Variants in ANO10 observed in about 807,000 individuals in gnomAD.
ANO10 encodes the protein anoctamin-10.
ANO10 carries 77 observed loss-of-function variants against 74.7 expected under a neutral mutation model. The ratio of observed to expected loss-of-function variants is 1.03; its 90% CI spans 0.86 to 1.25. ANO10 has a LOEUF of 1.25. Among genes scored for constraint, ANO10 ranks in the 50% most tolerant of loss-of-function variants. The probability of loss-of-function intolerance (pLI) is 0.00; values close to 1 mark genes in which losing one functional copy is unlikely to be tolerated. For missense variants in ANO10, 721 were observed against 778.1 expected (o/e 0.93, Z 0.87); for synonymous variants, 279 against 284.9 (o/e 0.98, Z 0.21).
chr3:43,661,532 C>G (rs1168390483), intron 1 of ANO10, among the ~76,000 whole-genome samples: 1 of 152,178 alleles, frequency 6.6e-6, no homozygotes, highest in African/African-American at 2.4e-5. Flanking sequence ...ATCATAATGA[C>G]AGGATCAATT....
chr3:43,430,837 A>G (rs1406630714), intron 12 of ANO10, among the ~76,000 whole-genome samples: 1 of 152,078 alleles, frequency 6.6e-6, no homozygotes, highest in East Asian at 1.9e-4. Context: ...TTTTGATCCC[A>G]GTAAAGTTTA....
intron 11 of ANO10, among the ~76,000 whole-genome samples, chr3:43,523,010 T>C (rs926803903): frequency 6.6e-6 from 1 of 152,206 alleles, no homozygotes; most frequent in African/African-American, 2.4e-5. Flanking sequence ...ACCTGCATTA[T>C]CAGCTTCTAT....
intron 1 of ANO10, among the ~76,000 whole-genome samples, chr3:43,676,600 C>T (rs1339766535): frequency 6.6e-6 from 1 of 152,174 alleles, no homozygotes; most frequent in Non-Finnish European, 1.5e-5. Context: ...AAAAGGGCAA[C>T]AAGAGGGATC....
chr3:43,556,350 A>G (rs1292690823), intron 9 of ANO10, among the ~76,000 whole-genome samples: 1 of 152,142 alleles, frequency 6.6e-6, no homozygotes, highest in Non-Finnish European at 1.5e-5. Context: ...CAGGTGTGCT[A>G]TTGGGAAGCC....
chr3:43,490,097 T>C (rs2076660330), intron 11 of ANO10, among the ~76,000 whole-genome samples: 1 of 152,208 alleles, frequency 6.6e-6, no homozygotes, highest in Non-Finnish European at 1.5e-5. Context: ...GATACATGGA[T>C]GATGGAAAAA....
At chr3:43,663,711 G>A (rs979617837) in intron 1 of ANO10, among the ~76,000 whole-genome samples, 8 of 152,140 alleles carry the variant, frequency 5.3e-5, no homozygotes, top group African/African-American at 1.9e-4. Context: ...CAAAATCAAT[G>A]CGCAAAAATC....
intron 1 of ANO10, among the ~76,000 whole-genome samples, chr3:43,652,412 C>A (rs993638716): frequency 5.9e-5 from 9 of 152,128 alleles, no homozygotes; most frequent in Admixed American, 3.9e-4. Context: ...AGAGAAAGAA[C>A]AGTCTTTTCA....
At chr3:43,415,184 C>T (rs1204536595) in intron 12 of ANO10, among the ~76,000 whole-genome samples, 2 of 151,830 alleles carry the variant, frequency 1.3e-5, no homozygotes, top group African/African-American at 2.4e-5. Flanking sequence ...ACCATGCTGG[C>T]CAGGCTGGTC....
At chr3:43,681,255 C>CA (rs1479763228) in intron 1 of ANO10, among the ~76,000 whole-genome samples, 2 of 151,380 alleles carry the variant, frequency 1.3e-5, no homozygotes, top group Admixed American at 6.6e-5. Context: ...AAATGGAAAA[C>CA]AAAAAAAGGC....
chr3:43,551,179 A>C (rs1443262726), intron 10 of ANO10, among the ~76,000 whole-genome samples: 1 of 152,218 alleles, frequency 6.6e-6, no homozygotes, highest in East Asian at 1.9e-4. Context: ...TTATAAGTAC[A>C]TCATTTAACA....
chr3:43,650,710 T>C (rs990074156), intron 1 of ANO10, among the ~76,000 whole-genome samples: 2 of 152,244 alleles, frequency 1.3e-5, no homozygotes, highest in South Asian at 4.1e-4. Flanking sequence ...GTTTTGAACA[T>C]TTCCCCATAG....
chr3:43,668,319 C>T, intron 1 of ANO10, among the ~76,000 whole-genome samples: 1 of 151,242 alleles, frequency 6.6e-6, no homozygotes, highest in Non-Finnish European at 1.5e-5. Flanking sequence ...CTTGTAGATT[C>T]TGGATATTAG....
At chr3:43,594,334 A>C (rs1354525376) in intron 4 of ANO10, among the ~76,000 whole-genome samples, 1 of 152,220 alleles carries the variant, frequency 6.6e-6, no homozygotes, top group African/African-American at 2.4e-5. Flanking sequence ...CATCACACTT[A>C]TTCCAAAATT....
intron 11 of ANO10, among the ~76,000 whole-genome samples, chr3:43,468,709 GTTTTC>G (rs1280419361): frequency 6.9e-6 from 1 of 144,598 alleles, no homozygotes; most frequent in African/African-American, 2.6e-5. Context: ...TCTTTTTTTT[GTTTTC>G]TTTTTTTTTT....
intron 4 of ANO10, among the ~76,000 whole-genome samples, chr3:43,580,939 A>C (rs1317013350): frequency 3.3e-5 from 5 of 152,216 alleles, no homozygotes; most frequent in African/African-American, 4.8e-5. Context: ...CCTTTTAACA[A>C]TACCATAATA....
intron 11 of ANO10, among the ~76,000 whole-genome samples, chr3:43,500,126 G>T (rs993024853): frequency 6.6e-6 from 1 of 152,102 alleles, no homozygotes; most frequent in Non-Finnish European, 1.5e-5. Flanking sequence ...GATTAGAGGC[G>T]TGAGCCACTG....
At chr3:43,639,776 G>GAAA (rs542866790) in intron 1 of ANO10, among the ~76,000 whole-genome samples, 120 of 106,080 alleles carry the variant, frequency 1.1e-3, no homozygotes, top group Non-Finnish European at 5.0e-4. Context: ...CTCCATCTCA[G>GAAA]AAAAAAAAAA....
chr3:43,383,272 T>G (rs1247377579), intron 12 of ANO10, among the ~76,000 whole-genome samples: 1 of 151,866 alleles, frequency 6.6e-6, no homozygotes, highest in East Asian at 1.9e-4. Flanking sequence ...GCTAACATGG[T>G]GAAACACTGT....
intron 11 of ANO10, among the ~76,000 whole-genome samples, chr3:43,436,804 GA>G (rs1419000997): frequency 6.6e-6 from 1 of 152,152 alleles, no homozygotes; most frequent in Non-Finnish European, 1.5e-5. Flanking sequence ...GAAAACTTAT[GA>G]TATGATCCAT....
Sources: gnomAD v4.1 joint callset for allele counts (sites outside exome capture counted in the v4.1 genomes callset) on GRCh38, gnomAD v4.1.1 for gene constraint, MANE v1.5 for transcripts, NCBI Gene and HGNC (gene_info 2026-07-23, HGNC 2026-07-21) for gene names.